LRRC59: variants seen among roughly 807,000 people sequenced by gnomAD.
The protein encoded by LRRC59 is leucine rich repeat containing 59.
Under a neutral mutation model 33.5 loss-of-function variants are expected in LRRC59, and 18 were observed. That is an observed-to-expected ratio of 0.54 (90% CI 0.37 to 0.80). The LOEUF (loss-of-function observed/expected upper bound fraction) is 0.80. Among genes scored for constraint, LRRC59 ranks in the 30% least tolerant of loss-of-function variants. The pLI is 0.00. For missense variants in LRRC59, 330 were observed against 391.9 expected (o/e 0.84, Z 1.33); for synonymous variants, 138 against 160.0 (o/e 0.86, Z 1.04).
chr17:50,387,140 T>G (rs935644480), intron 5 of LRRC59, among the ~76,000 whole-genome samples: 10 of 146,202 alleles, frequency 6.8e-5, no homozygotes, highest in African/African-American at 7.5e-5. Context: ...AAAAAAAAAC[T>G]AGCAGAGGGT....
chr17:50,393,724 T>C lies in LRRC59; in HGVS notation c.166-827A>G, dbSNP rs115277611. ...AGGGACTTGGAAATGCCAGTGGATC[T>C]GAAATGCAGAGTGAAATGGAAGTTG... On this transcript the variant is annotated intron_variant, in intron 2 of 6. Coordinates refer to ENST00000225972, the MANE Select transcript of LRRC59 (RefSeq NM_018509.4). Among the ~76,000 whole-genome samples, 163 of 152,338 alleles carry C rather than the reference T, an allele frequency of 1.1e-3. 1 individual carries two copies. Among genetic ancestry groups the C allele is most frequent in the African/African-American group, 3.7e-3 (154 of 41,582 alleles).
intron 2 of LRRC59, among the ~76,000 whole-genome samples, chr17:50,393,134 C>G (rs753704925): frequency 6.6e-6 from 1 of 152,186 alleles, no homozygotes; most frequent in Non-Finnish European, 1.5e-5. Context: ...TCACACACTT[C>G]GGTGTAACAG....
chr17:50,393,231 G>C (rs1914192008), intron 2 of LRRC59, among the ~76,000 whole-genome samples: 1 of 152,192 alleles, frequency 6.6e-6, no homozygotes, highest in Non-Finnish European at 1.5e-5. Context: ...AAAATGCAGA[G>C]AACACCTACC....
chr17:50,383,292 A>G (rs1913915685), intron 6 of LRRC59, 57 bp from the exon 7 acceptor site: 3 of 1,519,930 alleles, frequency 2.0e-6, no homozygotes, highest in Non-Finnish European at 2.7e-6. Flanking sequence ...CCTGCTCTAT[A>G]CTAATCTCTG....
rs1179777684 is a variant in LRRC59, at chr17:50,381,677, T to C, written c.*1311A>G. The C allele has an allele frequency of 6.5e-6, 1 of 152,674 alleles. No individual in the cohort carries two copies. The highest frequency in any genetic ancestry group is 1.5e-5 in the Non-Finnish European group (1 of 68,056). The allele number at this position is 152,674 out of a possible 1,614,324, so 9.5% of individuals were successfully genotyped here. ...GCTCCCTCCGGGGGAGCCAAGGAGC[T>C]TGCAACTGGGAGTTTGCAGTGAATG... On this transcript the variant is annotated 3_prime_UTR_variant, in exon 7 of 7. Transcript: ENST00000225972.
chr17:50,388,392 T>C (rs912748057), intron 4 of LRRC59, among the ~76,000 whole-genome samples: 2 of 152,046 alleles, frequency 1.3e-5, no homozygotes, highest in African/African-American at 4.8e-5. Flanking sequence ...ATGTAAAAAA[T>C]TGGCCAGGCA....
intron 4 of LRRC59, 51 bp downstream of exon 4, chr17:50,392,347 G>A: frequency 2.0e-6 from 3 of 1,467,840 alleles, no homozygotes; most frequent in Non-Finnish European, 9.5e-7. Context: ...AGGAGGAGGA[G>A]AAATCCCAGG....
At chr17:50,391,192 G>C (rs770447146) in intron 4 of LRRC59, among the ~76,000 whole-genome samples, 12 of 152,158 alleles carry the variant, frequency 7.9e-5, no homozygotes, top group Non-Finnish European at 1.8e-4. Context: ...CACTCCTACA[G>C]CACCTAGTTT....
chr17:50,390,362 T>A (rs1189353477), intron 4 of LRRC59, among the ~76,000 whole-genome samples: 1 of 151,730 alleles, frequency 6.6e-6, no homozygotes, highest in Non-Finnish European at 1.5e-5. Flanking sequence ...CATGGTGGCA[T>A]GCCCCTGTAA....
At chr17:50,386,944 C>T (rs996941435) in intron 5 of LRRC59, among the ~76,000 whole-genome samples, 1 of 152,108 alleles carries the variant, frequency 6.6e-6, no homozygotes, top group Non-Finnish European at 1.5e-5. Flanking sequence ...AACAGGTGAA[C>T]GTAACAATGA....
chr17:50,388,722 T>G (rs1290266936), intron 4 of LRRC59, among the ~76,000 whole-genome samples: 1 of 152,162 alleles, frequency 6.6e-6, no homozygotes, highest in Non-Finnish European at 1.5e-5. Flanking sequence ...CCATTTACAC[T>G]CACTGTCACA....
chr17:50,387,223 C>A (rs1159752533), intron 5 of LRRC59, among the ~76,000 whole-genome samples: 1 of 152,142 alleles, frequency 6.6e-6, no homozygotes, highest in Non-Finnish European at 1.5e-5. Flanking sequence ...CCTAAGGCAA[C>A]ATTTGAGCAG....
chr17:50,392,770 A>G lies in LRRC59; in HGVS notation c.293T>C (p.Val98Ala), dbSNP rs1329680701. The change falls in exon 3 of 7, where the codon GTC (valine) becomes GCC (alanine). Residue 98 changes from valine to alanine, a missense_variant. By Grantham distance (64) the Val-to-Ala change is moderately conservative (BLOSUM62 0). Transcript: ENST00000225972. ...CTGAGCAAAGCTGACAGGCAAGGTG[A>G]CCAGCTTGTTGTTGAGGAGATCCAG... ...QHLDLLNNKL[V>A]TLPVSFAQLK... The G allele has an allele frequency of 6.2e-7, 1 of 1,614,082 alleles. No homozygotes were observed. Among genetic ancestry groups the G allele is most frequent in the African/African-American group, 1.3e-5 (1 of 74,916 alleles).
intron 4 of LRRC59, among the ~76,000 whole-genome samples, chr17:50,390,023 G>A (rs1485826357): frequency 1.3e-5 from 2 of 151,254 alleles, no homozygotes; most frequent in East Asian, 1.9e-4. Context: ...TCTTGAACCC[G>A]GGAGGTGGAG....
chr17:50,384,182 T>C (rs1913944969), intron 6 of LRRC59, among the ~76,000 whole-genome samples: 1 of 151,968 alleles, frequency 6.6e-6, no homozygotes, highest in East Asian at 2.0e-4. Flanking sequence ...CTATACAATG[T>C]GGCTCCCTGA....
intron 6 of LRRC59, among the ~76,000 whole-genome samples, chr17:50,384,076 C>T (rs1230352469): frequency 1.3e-5 from 2 of 151,528 alleles, no homozygotes; most frequent in African/African-American, 4.8e-5. Flanking sequence ...TCAGGAGTCC[C>T]TTTTCACCCA....
chr17:50,393,258 AC>A (rs1157695791), intron 2 of LRRC59, among the ~76,000 whole-genome samples: 2 of 152,158 alleles, frequency 1.3e-5, no homozygotes, highest in Admixed American at 6.5e-5. Flanking sequence ...GGTGATAATT[AC>A]CAAGATATGT....
At chr17:50,394,900 A>G in intron 2 of LRRC59, 29 bp downstream of exon 2, 1 of 1,501,970 alleles carries the variant, frequency 6.7e-7, no homozygotes, top group South Asian at 1.2e-5. Flanking sequence ...AAGGCACCAG[A>G]AGGAGTCACG....
intron 1 of LRRC59, among the ~76,000 whole-genome samples, chr17:50,395,644 G>A (rs1171948122): frequency 1.3e-5 from 2 of 152,182 alleles, no homozygotes; most frequent in African/African-American, 4.8e-5. Flanking sequence ...GCCGGGTGCG[G>A]TGGCTCACGC....
Sources: gnomAD v4.1 joint callset for allele counts (sites outside exome capture counted in the v4.1 genomes callset) on GRCh38, gnomAD v4.1.1 for gene constraint, MANE v1.5 for transcripts, NCBI Gene and HGNC (gene_info 2026-07-23, HGNC 2026-07-21) for gene names.